SPECC1L: variants seen among roughly 807,000 people sequenced by gnomAD.
The protein encoded by SPECC1L is sperm antigen with calponin homology and coiled-coil domains 1 like.
In SPECC1L, 40 loss-of-function variants were observed where a neutral mutation model predicts 116.8. That is an observed-to-expected ratio of 0.34 (90% CI 0.27 to 0.45). The LOEUF is 0.45. SPECC1L is among the 20% of genes least tolerant of loss of function. SPECC1L has a pLI of 1.00. For synonymous variants in SPECC1L, 504 were observed against 500.6 expected, an observed-to-expected ratio of 1.01 and a Z score of -0.09; for missense variants, 1,110 against 1,373.6, an observed-to-expected ratio of 0.81 and a Z score of 3.03.
At chr22:24,300,870 G>A in intron 2 of SPECC1L, among the ~76,000 whole-genome samples, 1 of 152,174 alleles carries the variant, frequency 6.6e-6, no homozygotes, top group East Asian at 1.9e-4. Flanking sequence ...ATAGGGAAAG[G>A]ATGTTGTATT....
At chr22:24,371,071 A>C (rs1001466329) in intron 14 of SPECC1L, among the ~76,000 whole-genome samples, 1 of 152,212 alleles carries the variant, frequency 6.6e-6, no homozygotes, top group Non-Finnish European at 1.5e-5. Flanking sequence ...ATGATTTTTT[A>C]TGTATATTTA....
chr22:24,409,804 C>T (rs1234136582), intron 14 of SPECC1L, among the ~76,000 whole-genome samples: 5 of 152,174 alleles, frequency 3.3e-5, no homozygotes, highest in Non-Finnish European at 5.9e-5. Flanking sequence ...GAGGTGACAT[C>T]GCTTGAGCTC....
chr22:24,400,827 C>T (rs902877505), intron 14 of SPECC1L, among the ~76,000 whole-genome samples: 7 of 152,202 alleles, frequency 4.6e-5, no homozygotes, highest in Admixed American at 1.3e-4. Context: ...TGAGCCTTCT[C>T]ATGTGCTTGT....
At position 24,321,675 on chromosome 22, in the gene SPECC1L, T is replaced by C. The variant is rs760652416; in HGVS notation, c.695T>C (p.Met232Thr). Residue 232 changes from methionine to threonine, a missense_variant, in exon 5 of 17, where the codon ATG (methionine) becomes ACG (threonine). Around this residue, in one of 4 missense-constraint regions of SPECC1L, gnomAD observed 437 missense variants for 482.6 expected, o/e 0.91. Transcript: ENST00000314328. The part of the protein sequence containing the change: ...GDEKSEKETI[M>T]AHQPTDVEST... ...GAAAAATCTGAGAAGGAAACTATTATGGCTCACCAGCCGACTGATGTGGAG... is the reference window on the plus strand; with the variant it reads ...GAAAAATCTGAGAAGGAAACTATTACGGCTCACCAGCCGACTGATGTGGAG... 1.7e-5 allele frequency: 28 copies of C among 1,614,138 alleles called. No homozygotes were observed. The Middle Eastern group carries it at 1.6e-3, about 95-fold the overall frequency.
chr22:24,319,481 G>C (rs1022699748), intron 4 of SPECC1L, among the ~76,000 whole-genome samples: 1 of 152,252 alleles, frequency 6.6e-6, no homozygotes, highest in Admixed American at 6.5e-5. Flanking sequence ...TTCAAGATGA[G>C]ATTTGGGTGG....
intron 10 of SPECC1L, chr22:24,343,446 TTG>T (rs886595005): frequency 8.9e-6 from 4 of 448,056 alleles, no homozygotes; most frequent in Non-Finnish European, 1.8e-5. Context: ...AACAAAATGG[TTG>T]TGTTTTTTTT....
At chr22:24,292,410 G>A (rs1476154550) in intron 2 of SPECC1L, among the ~76,000 whole-genome samples, 1 of 152,130 alleles carries the variant, frequency 6.6e-6, no homozygotes, top group Non-Finnish European at 1.5e-5. Context: ...AGTAACTTCT[G>A]GAAGTGGGAT....
chr22:24,404,575 A>G (rs1304721455), intron 14 of SPECC1L, among the ~76,000 whole-genome samples: 1 of 152,080 alleles, frequency 6.6e-6, no homozygotes, highest in African/African-American at 2.4e-5. Flanking sequence ...TTAGCTGCCA[A>G]GTATCTCTGG....
chr22:24,362,055 C>G (rs1390791520), intron 11 of SPECC1L, among the ~76,000 whole-genome samples: 2 of 152,128 alleles, frequency 1.3e-5, no homozygotes. Flanking sequence ...GGCTGAGAGT[C>G]TTCATTACAT....
chr22:24,301,379 C>T (rs996601536), intron 2 of SPECC1L, among the ~76,000 whole-genome samples: 7 of 152,164 alleles, frequency 4.6e-5, no homozygotes, highest in African/African-American at 1.2e-4. Context: ...CTTTATTTAA[C>T]GTGGGGTTAC....
intron 14 of SPECC1L, among the ~76,000 whole-genome samples, chr22:24,399,430 C>T (rs561632714): frequency 3.3e-5 from 5 of 152,000 alleles, no homozygotes; most frequent in Admixed American, 6.6e-5. Flanking sequence ...ATTAGCTGGG[C>T]GTGGTGGCGG....
At chr22:24,412,602 C>T (rs777087912) in intron 15 of SPECC1L, 46 bp from the exon 16 acceptor site, 2 of 1,602,204 alleles carry the variant, frequency 1.2e-6, no homozygotes. Flanking sequence ...ACGTGACTTT[C>T]TCTGTGCCTT....
intron 10 of SPECC1L, 27 bp from the exon 11 acceptor site, chr22:24,347,059 T>C: frequency 6.4e-7 from 1 of 1,569,204 alleles, no homozygotes; most frequent in Admixed American, 1.7e-5. Flanking sequence ...CATTTTAACT[T>C]TGATGTTGTT....
intron 3 of SPECC1L, among the ~76,000 whole-genome samples, chr22:24,311,244 T>C (rs894094001): frequency 6.6e-6 from 1 of 152,238 alleles, no homozygotes; most frequent in African/African-American, 2.4e-5. Context: ...CACTTTGACA[T>C]GACAATGTAG....
intron 14 of SPECC1L, among the ~76,000 whole-genome samples, chr22:24,390,784 C>T (rs1378393573): frequency 1.3e-5 from 2 of 149,066 alleles, no homozygotes; most frequent in Non-Finnish European, 3.0e-5. Flanking sequence ...CCAAGAGCTT[C>T]ACATTTCTTG....
At position 24,313,323 on chromosome 22, in the gene SPECC1L, G is replaced by T. The variant is rs1239035558; in HGVS notation, c.164G>T (p.Ser55Ile). The change falls in exon 4 of 17, where the codon AGT (serine) becomes ATT (isoleucine). Residue 55 changes from serine (S) to isoleucine (I), a missense_variant. Ser to Ile is a moderately radical substitution (Grantham distance 142, BLOSUM62 -2). This residue lies in a region of SPECC1L where 437 missense variants were observed against 482.6 expected (regional missense o/e 0.91). Coordinates refer to ENST00000314328, the MANE Select transcript of SPECC1L (RefSeq NM_015330.6). Reference sequence around the variant, plus strand: ...TTCTGTTGCTTCTAGACCAAGAGCAGTGATGACCTTTTAGCTGGAATGGCC... The same window carrying T: ...TTCTGTTGCTTCTAGACCAAGAGCATTGATGACCTTTTAGCTGGAATGGCC... ...TAASLSKTKS[S>I]DDLLAGMAGG... 5 of 1,614,156 alleles carry T rather than the reference G, an allele frequency of 3.1e-6. No homozygotes were observed. The highest frequency in any genetic ancestry group is 3.4e-6 in the Non-Finnish European group (4 of 1,180,018).
chr22:24,272,424 G>T (rs983789888), intron 1 of SPECC1L, among the ~76,000 whole-genome samples: 4 of 152,104 alleles, frequency 2.6e-5, no homozygotes, highest in African/African-American at 9.7e-5. Context: ...TGTAATCACA[G>T]TAGTTTGGGA....
At chr22:24,323,568 G>C (rs927528400) in intron 5 of SPECC1L, among the ~76,000 whole-genome samples, 1 of 152,152 alleles carries the variant, frequency 6.6e-6, no homozygotes, top group Non-Finnish European at 1.5e-5. Flanking sequence ...GGTTGCTGAT[G>C]AACTGTTTAT....
chr22:24,413,565 TAG>T (rs968101748), intron 16 of SPECC1L, among the ~76,000 whole-genome samples: 17 of 152,326 alleles, frequency 1.1e-4, no homozygotes, highest in Middle Eastern at 3.4e-3. Flanking sequence ...GTTCACTCAT[TAG>T]AGTCTTCATG....
Sources: gnomAD v4.1 joint callset for allele counts (sites outside exome capture counted in the v4.1 genomes callset) on GRCh38, gnomAD v4.1.1 for gene constraint, gnomAD v4.1.1 regional missense constraint, MANE v1.5 for transcripts, NCBI Gene and HGNC (gene_info 2026-07-23, HGNC 2026-07-21) for gene names.